Variants in PCSK2 observed in about 807,000 individuals in gnomAD.
PCSK2 encodes the protein neuroendocrine convertase 2.
A neutral mutation model predicts 69.7 loss-of-function variants in PCSK2; 14 were observed. That is an observed-to-expected ratio of 0.20 (90% CI 0.13 to 0.31). PCSK2 has a LOEUF of 0.31. Ranked by LOEUF, PCSK2 falls within the 10% of genes least tolerant of loss-of-function variation. The pLI is 1.00. For synonymous variants in PCSK2, 307 were observed against 320.7 expected (o/e 0.96, Z 0.46); for missense variants, 544 against 842.5 (o/e 0.65, Z 4.39).
intron 2 of PCSK2, among the ~76,000 whole-genome samples, chr20:17,306,424 A>G (rs1445717834): frequency 1.3e-5 from 2 of 152,188 alleles, no homozygotes; most frequent in Non-Finnish European, 2.9e-5. Context: ...TTGAATTCTC[A>G]AACAGAAGAT....
At chr20:17,454,432 A>G (rs2032882285) in intron 9 of PCSK2, among the ~76,000 whole-genome samples, 1 of 152,168 alleles carries the variant, frequency 6.6e-6, no homozygotes, top group Non-Finnish European at 1.5e-5. Context: ...CACATCTGTT[A>G]TTTTCTCAGG....
At chr20:17,292,362 AT>A (rs1988726965) in intron 2 of PCSK2, among the ~76,000 whole-genome samples, 1 of 152,174 alleles carries the variant, frequency 6.6e-6, no homozygotes, top group South Asian at 2.1e-4. Context: ...GAAAGAAAAA[AT>A]ATTTCTATAT....
At chr20:17,252,522 C>T (rs1987020570) in intron 1 of PCSK2, among the ~76,000 whole-genome samples, 1 of 152,150 alleles carries the variant, frequency 6.6e-6, no homozygotes, top group Non-Finnish European at 1.5e-5. Flanking sequence ...ATTCCCATAA[C>T]AAAAACATTT....
At position 17,358,400 on chromosome 20, in the gene PCSK2, T is replaced by A; in HGVS notation, c.356T>A (p.Ile119Asn). 2 of 1,610,852 alleles carry A rather than the reference T, an allele frequency of 1.2e-6. No homozygotes were observed. The highest frequency in any genetic ancestry group is 1.7e-6 in the Non-Finnish European group (2 of 1,177,034). Residue 119 changes from isoleucine (I) to asparagine (N), a missense_variant, in exon 3 of 12, where the codon ATC (isoleucine) becomes AAC (asparagine). Around this residue, in one of 3 missense-constraint regions of PCSK2, gnomAD observed 157 missense variants for 155.0 expected, o/e 1.01. Transcript: ENST00000262545. ...TACAGAGACATCAATGAGATCGACA[T>A]CAACATGAACGATCCTCTTTTTACA... Reference protein sequence around the residue: ...RGYRDINEIDINMNDPLFTKQ... With the variant: ...RGYRDINEIDNNMNDPLFTKQ...
intron 5 of PCSK2, among the ~76,000 whole-genome samples, chr20:17,373,077 G>A (rs377694608): frequency 2.6e-5 from 4 of 152,254 alleles, no homozygotes; most frequent in East Asian, 1.9e-4. Flanking sequence ...CCCCTTGAGA[G>A]AGAGGTACTT....
chr20:17,233,089 C>T (rs1489367792), intron 1 of PCSK2, among the ~76,000 whole-genome samples: 3 of 152,122 alleles, frequency 2.0e-5, no homozygotes, highest in Admixed American at 1.3e-4. Flanking sequence ...TCATAGCCAT[C>T]AGAACGCTCA....
rs115547266 is a variant in PCSK2 at position 17,395,060 on chromosome 20, T to C, written c.544-14203T>C. On this transcript the variant is annotated intron_variant, in intron 5 of 11. Coordinates refer to ENST00000262545, the MANE Select transcript of PCSK2 (RefSeq NM_002594.5). Reference sequence around the variant, plus strand: ...AAAGAGAACCGATCTACTTAACTTTTTTTTTCCCCAGCTATTATAAACACT... The same window carrying C: ...AAAGAGAACCGATCTACTTAACTTTCTTTTTCCCCAGCTATTATAAACACT... 2.1e-3 allele frequency among the ~76,000 whole-genome samples: 315 copies of C among 152,340 alleles called. 1 individual carries two copies. Among genetic ancestry groups the C allele is most frequent in the African/African-American group, 7.3e-3 (302 of 41,570 alleles).
At chr20:17,400,732 C>T (rs1457328074) in intron 5 of PCSK2, among the ~76,000 whole-genome samples, 2 of 152,170 alleles carry the variant, frequency 1.3e-5, no homozygotes, top group Admixed American at 6.5e-5. Context: ...ACCATCAAGT[C>T]CATCCCTCTC....
At chr20:17,263,981 A>G (rs1568574883) in intron 2 of PCSK2, among the ~76,000 whole-genome samples, 1 of 152,352 alleles carries the variant, frequency 6.6e-6, no homozygotes, top group South Asian at 2.1e-4. Context: ...AACATTAGCT[A>G]GAACAATACC....
intron 2 of PCSK2, among the ~76,000 whole-genome samples, chr20:17,315,394 G>T (rs1383080678): frequency 6.6e-6 from 1 of 152,206 alleles, no homozygotes; most frequent in African/African-American, 2.4e-5. Context: ...CCGTGAGCTT[G>T]GTTGACCCTG....
At chr20:17,448,570 C>T (rs2123371670) in intron 8 of PCSK2, among the ~76,000 whole-genome samples, 1 of 152,216 alleles carries the variant, frequency 6.6e-6, no homozygotes, top group East Asian at 1.9e-4. Context: ...TATGGACATT[C>T]TGGGCAAAAT....
intron 2 of PCSK2, among the ~76,000 whole-genome samples, chr20:17,357,767 G>A (rs912349633): frequency 6.6e-6 from 1 of 152,036 alleles, no homozygotes; most frequent in Non-Finnish European, 1.5e-5. Flanking sequence ...GGTGGCACAT[G>A]CCTGTAATCC....
chr20:17,446,163 G>A (rs369418059), intron 8 of PCSK2, among the ~76,000 whole-genome samples: 4 of 152,200 alleles, frequency 2.6e-5, no homozygotes, highest in African/African-American at 9.6e-5. Flanking sequence ...ACAATGGCTG[G>A]ATCCTTTGAG....
chr20:17,473,868 C>G (rs920131355), intron 11 of PCSK2, among the ~76,000 whole-genome samples: 1 of 152,170 alleles, frequency 6.6e-6, no homozygotes, highest in African/African-American at 2.4e-5. Context: ...AGCCACATGT[C>G]TCCTCTCTCA....
At position 17,331,209 on chromosome 20, in the gene PCSK2, G is replaced by A. The variant is rs1374564441; in HGVS notation, c.283-27118G>A. Among the ~76,000 whole-genome samples the A allele has an allele frequency of 2.0e-5, 3 of 152,172 alleles. No individual in the cohort carries two copies. In the South Asian group the frequency reaches 6.2e-4, roughly 32 times the overall value. ...TGGACTCTTCCAGCCCACTCCTTGT[G>A]GGCTGTGCTGATCACACTTCCTTCA... On this transcript the variant is annotated intron_variant, in intron 2 of 11. Coordinates refer to ENST00000262545, the MANE Select transcript of PCSK2 (RefSeq NM_002594.5).
chr20:17,275,732 C>A (rs902872503), intron 2 of PCSK2, among the ~76,000 whole-genome samples: 2 of 152,084 alleles, frequency 1.3e-5, no homozygotes, highest in Non-Finnish European at 2.9e-5. Context: ...TGCTGGGATC[C>A]ATCACACTGC....
chr20:17,273,468 T>A (rs1987944303), intron 2 of PCSK2, among the ~76,000 whole-genome samples: 1 of 152,194 alleles, frequency 6.6e-6, no homozygotes, highest in African/African-American at 2.4e-5. Context: ...GCTGGAAGTA[T>A]GACTCCATCT....
intron 5 of PCSK2, among the ~76,000 whole-genome samples, chr20:17,377,793 T>G (rs565649940): frequency 6.6e-6 from 1 of 152,332 alleles, no homozygotes; most frequent in Admixed American, 6.5e-5. Context: ...ATGCAACTCA[T>G]GTACTAGAGG....
intron 2 of PCSK2, among the ~76,000 whole-genome samples, chr20:17,320,768 G>A (rs1198963775): frequency 6.6e-6 from 1 of 152,206 alleles, no homozygotes; most frequent in Non-Finnish European, 1.5e-5. Context: ...TCAGAGAAAA[G>A]CCTTCAGGCA....
Sources: gnomAD v4.1 joint callset for allele counts (sites outside exome capture counted in the v4.1 genomes callset) on GRCh38, gnomAD v4.1.1 for gene constraint, gnomAD v4.1.1 regional missense constraint, MANE v1.5 for transcripts, NCBI Gene and HGNC (gene_info 2026-07-23, HGNC 2026-07-21) for gene names.